Variants in CHN2 observed in about 807,000 individuals in gnomAD.
CHN2 encodes the protein beta-chimaerin.
In CHN2, 35 loss-of-function variants were observed where a neutral mutation model predicts 56.3. The ratio of observed to expected loss-of-function variants is 0.62; its 90% CI spans 0.47 to 0.82. CHN2 has a LOEUF of 0.82. CHN2 is among the 40% of genes least tolerant of loss of function. CHN2 has a pLI of 0.00. For missense variants in CHN2, 491 were observed against 580.5 expected (o/e 0.85, Z 1.58); for synonymous variants, 210 against 212.8 (o/e 0.99, Z 0.12).
chr7:29,451,099 AAG>A (rs200684082), intron 6 of CHN2, among the ~76,000 whole-genome samples: 1 of 152,164 alleles, frequency 6.6e-6, no homozygotes, highest in Admixed American at 6.6e-5. Flanking sequence ...ATAAATAAGA[AAG>A]AGAGAGAAAC....
In CHN2 at chr7:29,450,380, T is replaced by A. The variant is rs148099495; in HGVS notation, c.577-29899T>A. Among the ~76,000 whole-genome samples, 935 of 152,322 alleles carry A rather than the reference T, an allele frequency of 6.1e-3. 4 individuals carry two copies. Among genetic ancestry groups the A allele is most frequent in the Middle Eastern group, 0.02 (6 of 294 alleles). On this transcript the variant is annotated intron_variant, in intron 6 of 12. Transcript: ENST00000222792. Reference sequence around the variant, plus strand: ...AAGAATCTTGAGATGAAGAAGAATCTTGGATAATCTTTGTGGACCCTAAAT... The same window carrying A: ...AAGAATCTTGAGATGAAGAAGAATCATGGATAATCTTTGTGGACCCTAAAT...
In CHN2 at chr7:29,420,788, A is replaced by T. The variant is rs541581632; in HGVS notation, c.576+19960A>T. ...CAGTTAAGATGATAAATTTTAGATT[A>T]TATGGGTTGTTTTTTCTTCTTTTCT... is the stretch of plus-strand genomic sequence containing the variant. On this transcript the variant is annotated intron_variant, in intron 6 of 12. Coordinates refer to ENST00000222792, the MANE Select transcript of CHN2 (RefSeq NM_004067.4). 4.6e-5 allele frequency among the ~76,000 whole-genome samples: 7 copies of T among 150,978 alleles called. No homozygotes were observed. The East Asian group carries it at 1.4e-3, about 30-fold the overall frequency.
At chr7:29,331,710 G>T (rs1372165100) in intron 1 of CHN2, among the ~76,000 whole-genome samples, 2 of 152,184 alleles carry the variant, frequency 1.3e-5, no homozygotes, top group African/African-American at 4.8e-5. Context: ...GATTGACTGG[G>T]AGAGGGAAGG....
chr7:29,249,218 C>G (rs1370011439), intron 1 of CHN2, among the ~76,000 whole-genome samples: 1 of 152,166 alleles, frequency 6.6e-6, no homozygotes, highest in East Asian at 1.9e-4. Context: ...GGCCTCAGAG[C>G]CAGGGATGCC....
At chr7:29,164,083 T>G (rs1020705970) in intron 2 of CHN2, among the ~76,000 whole-genome samples, 1 of 152,218 alleles carries the variant, frequency 6.6e-6, no homozygotes, top group Admixed American at 6.5e-5. Context: ...GCTATAAAAT[T>G]GTTCTCAAAA....
intron 7 of CHN2, among the ~76,000 whole-genome samples, chr7:29,483,199 G>A (rs1787536403): frequency 6.6e-6 from 1 of 151,974 alleles, no homozygotes; most frequent in African/African-American, 2.4e-5. Context: ...TAACAAGATT[G>A]TTTGCCCCAG....
chr7:29,400,816 A>C lies in CHN2; in HGVS notation c.564A>C (p.Thr188=). ...RKTNVTHEEH[T]AVEKISSLVR... ...CAAACGTCACACATGAAGAACACAC[A>C]GCGGTGGAAAAGGTGAGCTGTGTGT... Residue 188 remains threonine (T), a synonymous_variant, in exon 6 of 13, where the codon ACA becomes ACC. Transcript: ENST00000222792. The C allele has an allele frequency of 6.2e-7, 1 of 1,613,586 alleles. No individual in the cohort carries two copies. The highest frequency in any genetic ancestry group is 8.5e-7 in the Non-Finnish European group (1 of 1,179,820).
At chr7:29,303,990 G>A (rs1585011634) in intron 1 of CHN2, among the ~76,000 whole-genome samples, 1 of 152,214 alleles carries the variant, frequency 6.6e-6, no homozygotes, top group East Asian at 1.9e-4. Context: ...AACCCAGGAG[G>A]CGGAGATTGC....
Position 29,273,343 on chromosome 7 carries a change from G to GTATGTA in CHN2, c.49+78356_49+78357insGTATAT, listed in dbSNP as rs1554387186. On this transcript the variant is annotated intron_variant, in intron 1 of 12. Transcript: ENST00000222792. ...CCATCATGCATATATATATATATGT[G>GTATGTA]TATATATATATATATATATATATAT... Among the ~76,000 whole-genome samples, 24 of 58,168 alleles carry GTATGTA rather than the reference G, an allele frequency of 4.1e-4. 1 individual carries two copies. Among genetic ancestry groups the GTATGTA allele is most frequent in the Non-Finnish European group, 6.2e-4 (18 of 28,832 alleles). 38.2% of individuals were successfully genotyped at this position (58,168 alleles called of 152,430 possible).
At chr7:29,479,621 G>A in intron 6 of CHN2, 1 of 989,012 alleles carries the variant, frequency 1.0e-6, no homozygotes, top group East Asian at 8.7e-5. Context: ...ATCTGTTGGA[G>A]CTCAGCCCAG....
chr7:29,300,533 C>T (rs1223500397), intron 1 of CHN2, among the ~76,000 whole-genome samples: 1 of 152,128 alleles, frequency 6.6e-6, no homozygotes, highest in African/African-American at 2.4e-5. Flanking sequence ...CTATTTTCTA[C>T]TTCTAATTGT....
At chr7:29,394,752 TA>T (rs1163577296) in intron 4 of CHN2, among the ~76,000 whole-genome samples, 1 of 152,158 alleles carries the variant, frequency 6.6e-6, no homozygotes, top group Non-Finnish European at 1.5e-5. Flanking sequence ...ACAATTAATT[TA>T]AAAAAATAGA....
At chr7:29,399,491 T>C (rs897466335) in intron 5 of CHN2, among the ~76,000 whole-genome samples, 2 of 152,170 alleles carry the variant, frequency 1.3e-5, no homozygotes, top group African/African-American at 2.4e-5. Flanking sequence ...AGACAGCACA[T>C]TTATGGCACT....
At chr7:29,359,526 C>T (rs1362808223) in intron 2 of CHN2, among the ~76,000 whole-genome samples, 1 of 152,032 alleles carries the variant, frequency 6.6e-6, no homozygotes. Flanking sequence ...TAAGTCCCTG[C>T]CCTCTCTGTT....
intron 1 of CHN2, among the ~76,000 whole-genome samples, chr7:29,230,707 G>T (rs183749545): frequency 6.6e-6 from 1 of 152,248 alleles, no homozygotes; most frequent in African/African-American, 2.4e-5. Flanking sequence ...CTCAATGAAA[G>T]ATTTTTACAT....
intron 4 of CHN2, chr7:29,397,524 A>AGCTTGCCCC (rs994916407): frequency 1.3e-5 from 2 of 152,212 alleles, no homozygotes; most frequent in African/African-American, 4.8e-5. Context: ...TCCCCAACCC[A>AGCTTGCCCC]GCTTGCCCCA....
intron 6 of CHN2, among the ~76,000 whole-genome samples, chr7:29,426,206 C>CAAAAAAAAA (rs10630481): frequency 1.2e-5 from 1 of 83,914 alleles, no homozygotes; most frequent in Non-Finnish European, 2.3e-5. Context: ...GACTCTGTCT[C>CAAAAAAAAA]AAAAAAAAAA....
chr7:29,155,796 T>C (rs1794279468), intron 2 of CHN2, among the ~76,000 whole-genome samples: 1 of 152,058 alleles, frequency 6.6e-6, no homozygotes, highest in Admixed American at 6.5e-5. Context: ...CTCATCCTTG[T>C]GATGGATTTT....
intron 2 of CHN2, among the ~76,000 whole-genome samples, chr7:29,364,612 C>A (rs975592026): frequency 3.9e-5 from 6 of 152,220 alleles, no homozygotes; most frequent in African/African-American, 7.2e-5. Context: ...GAATTCCATG[C>A]AGCCTCCCTG....
Sources: allele counts gnomAD v4.1 joint callset (sites outside exome capture counted in the v4.1 genomes callset), GRCh38; gene constraint gnomAD v4.1.1; transcripts MANE v1.5; gene names NCBI Gene and HGNC (gene_info 2026-07-23, HGNC 2026-07-21).